The following ANKRD33B variants were observed in gnomAD, a reference collection of about 807,000 sequenced individuals.
ANKRD33B encodes the protein ankyrin repeat domain-containing protein 33B.
Under a neutral mutation model 21.5 loss-of-function variants are expected in ANKRD33B, and 6 were observed. The observed-to-expected ratio is 0.28, with a 90% confidence interval of 0.15 to 0.55. ANKRD33B has a LOEUF of 0.55. Ranked by LOEUF, ANKRD33B falls within the 20% of genes least tolerant of loss-of-function variation. ANKRD33B has a pLI of 0.94. For synonymous variants in ANKRD33B, 347 were observed against 342.4 expected (o/e 1.01, Z -0.15); for missense variants, 698 against 747.2 (o/e 0.93, Z 0.77).
At chr5:10,639,699 C>T (rs368634674) in intron 3 of ANKRD33B, among the ~76,000 whole-genome samples, 27 of 22,484 alleles carry the variant, frequency 1.2e-3, no homozygotes, top group East Asian at 2.7e-3. Context: ...GGCGGTGACG[C>T]GGAGTTGCGC....
intron 2 of ANKRD33B, among the ~76,000 whole-genome samples, chr5:10,628,625 A>G (rs988018035): frequency 1.4e-4 from 22 of 152,176 alleles, no homozygotes; most frequent in African/African-American, 5.3e-4. Context: ...TACAGGCACG[A>G]GCCACCTTGC....
intron 2 of ANKRD33B, among the ~76,000 whole-genome samples, chr5:10,631,653 C>T (rs1736713061): frequency 2.6e-5 from 4 of 152,200 alleles, no homozygotes; most frequent in South Asian, 4.1e-4. Flanking sequence ...ATTCCATAAG[C>T]TATGGGAGAA....
chr5:10,650,383 G>C lies in ANKRD33B; in HGVS notation c.*270G>C, dbSNP rs769618296. 8.1e-5 allele frequency: 23 copies of C among 284,362 alleles called. No homozygotes were observed. The highest frequency in any genetic ancestry group is 1.2e-4 in the Non-Finnish European group (19 of 153,624). The allele number at this position is 284,362 out of a possible 1,614,324, so 17.6% of individuals were successfully genotyped here. A position where few individuals can be genotyped will look rare whatever the true frequency, so the allele number is the denominator to read the frequency against. On this transcript the variant is annotated 3_prime_UTR_variant, in exon 4 of 4. Coordinates refer to ENST00000296657, the MANE Select transcript of ANKRD33B (RefSeq NM_001164440.2). ...GCTCCCTTTAGAGAACCTCAATTAA[G>C]ATTTTTTTTAAAGATCAATTTATCA...
At chr5:10,577,114 T>G (rs931491804) in intron 1 of ANKRD33B, among the ~76,000 whole-genome samples, 5 of 150,810 alleles carry the variant, frequency 3.3e-5, no homozygotes, top group Non-Finnish European at 5.9e-5. Flanking sequence ...CCCTTTCCCT[T>G]CCCCTTCCCC....
chr5:10,622,808 A>G (rs900533), intron 2 of ANKRD33B, among the ~76,000 whole-genome samples: 10,315 of 89,024 alleles, frequency 0.12, 486 homozygotes, highest in Middle Eastern at 0.31. Context: ...ATTTTATTTT[A>G]TTTTTTTTTT....
chr5:10,581,546 C>T (rs1418950988), intron 1 of ANKRD33B, among the ~76,000 whole-genome samples: 2 of 152,236 alleles, frequency 1.3e-5, no homozygotes, highest in Admixed American at 6.5e-5. Flanking sequence ...CCATGAGGCA[C>T]TTTTCATAGG....
chr5:10,638,092 C>G lies in ANKRD33B; in HGVS notation c.561C>G (p.Asn187Lys). The G allele has an allele frequency of 1.3e-6, 2 of 1,537,576 alleles. No individual in the cohort carries two copies. The highest frequency in any genetic ancestry group is 1.7e-6 in the Non-Finnish European group (2 of 1,146,946). The part of the protein sequence containing the change: ...YFPGLDLERR[N>K]AFGFTALMKA... ...CTGGTCTTGACCTTGAAAGGAGGAA[C>G]GCGTTCGGGTTCACCGCCCTGATGA... The change falls in exon 3 of 4, where the codon AAC becomes AAG. Residue 187 changes from asparagine to lysine, a missense_variant. This residue lies in a region of ANKRD33B where 543 missense variants were observed against 566.5 expected (regional missense o/e 0.96). Transcript: ENST00000296657.
intron 1 of ANKRD33B, among the ~76,000 whole-genome samples, chr5:10,597,010 C>T (rs1735832272): frequency 6.6e-6 from 1 of 152,164 alleles, no homozygotes; most frequent in Non-Finnish European, 1.5e-5. Context: ...GGGAATTTGT[C>T]ACCATCAGGC....
At chr5:10,591,888 A>G (rs1167350589) in intron 1 of ANKRD33B, among the ~76,000 whole-genome samples, 1 of 152,100 alleles carries the variant, frequency 6.6e-6, no homozygotes, top group Non-Finnish European at 1.5e-5. Context: ...TATAATTTTG[A>G]TATAAGGGAA....
intron 1 of ANKRD33B, among the ~76,000 whole-genome samples, chr5:10,598,408 A>G (rs1262676042): frequency 1.3e-5 from 2 of 152,090 alleles, no homozygotes; most frequent in East Asian, 1.9e-4. Context: ...CTGGGATTAC[A>G]GGCATGCACC....
chr5:10,577,622 C>T (rs555774856), intron 1 of ANKRD33B, among the ~76,000 whole-genome samples: 13 of 152,022 alleles, frequency 8.6e-5, no homozygotes, highest in African/African-American at 2.2e-4. Context: ...CCATGTGTAG[C>T]GGGAGGGTCA....
chr5:10,591,483 G>C (rs560786324), intron 1 of ANKRD33B, among the ~76,000 whole-genome samples: 1 of 152,124 alleles, frequency 6.6e-6, no homozygotes, highest in Admixed American at 6.5e-5. Flanking sequence ...AGCCTTTTTA[G>C]TGTTTTTATG....
chr5:10,569,069 G>A (rs1292815307), intron 1 of ANKRD33B, among the ~76,000 whole-genome samples: 1 of 152,144 alleles, frequency 6.6e-6, no homozygotes, highest in Non-Finnish European at 1.5e-5. Flanking sequence ...TAATACTTCC[G>A]AAAGATTTAT....
intron 1 of ANKRD33B, among the ~76,000 whole-genome samples, chr5:10,575,701 TA>T (rs1199064393): frequency 2.6e-5 from 4 of 152,126 alleles, no homozygotes; most frequent in African/African-American, 9.7e-5. Context: ...CTTGCTGATT[TA>T]AAAATAAAGG....
At position 10,564,939 on chromosome 5, in the gene ANKRD33B, G is replaced by C. The variant is rs1448754226; in HGVS notation, c.366+106G>C. ...GCTCCTGGCTCCGGACCGGTCCCTC[G>C]GTCACTCAGCCGCCGCCCAGAGCGC... is the stretch of plus-strand genomic sequence containing the variant. On this transcript the variant is annotated intron_variant, in intron 1 of 3. Transcript: ENST00000296657. 3 of 1,380,262 alleles carry C rather than the reference G, an allele frequency of 2.2e-6. No individual in the cohort carries two copies. The East Asian group carries it at 7.7e-5, about 35-fold the overall frequency. 85.5% of individuals were successfully genotyped at this position (1,380,262 alleles called of 1,614,324 possible).
intron 3 of ANKRD33B, among the ~76,000 whole-genome samples, chr5:10,647,108 G>T (rs891440308): frequency 6.6e-6 from 1 of 150,966 alleles, no homozygotes; most frequent in African/African-American, 2.4e-5. Context: ...AATCCTCAAT[G>T]ATTTTTTTTT....
intron 1 of ANKRD33B, among the ~76,000 whole-genome samples, chr5:10,616,193 G>A (rs1349670131): frequency 6.6e-6 from 1 of 152,182 alleles, no homozygotes; most frequent in African/African-American, 2.4e-5. Context: ...ATATTCTTCT[G>A]TGGGGCAACT....
At chr5:10,591,150 T>C (rs1471893283) in intron 1 of ANKRD33B, among the ~76,000 whole-genome samples, 1 of 151,764 alleles carries the variant, frequency 6.6e-6, no homozygotes, top group Non-Finnish European at 1.5e-5. Context: ...AAATGCTGTT[T>C]CTAAGCCAGG....
chr5:10,607,978 C>T (rs985516161), intron 1 of ANKRD33B, among the ~76,000 whole-genome samples: 1 of 152,126 alleles, frequency 6.6e-6, no homozygotes, highest in African/African-American at 2.4e-5. Flanking sequence ...TGGTGTTTTG[C>T]ACAATCTTCA....
Sources: allele counts gnomAD v4.1 joint callset (sites outside exome capture counted in the v4.1 genomes callset), GRCh38; gene constraint gnomAD v4.1.1; regional missense constraint gnomAD v4.1.1; transcripts MANE v1.5; gene names NCBI Gene and HGNC (gene_info 2026-07-23, HGNC 2026-07-21).